SLC16A7: variants seen among roughly 807,000 people sequenced by gnomAD.
SLC16A7 encodes the protein monocarboxylate transporter 2.
A neutral mutation model predicts 34.9 loss-of-function variants in SLC16A7; 33 were observed. The ratio of observed to expected loss-of-function variants is 0.94; its 90% confidence interval spans 0.72 to 1.26. The LOEUF is 1.26. SLC16A7 is among the 50% of genes most tolerant of loss of function. The pLI is 0.00. For missense variants in SLC16A7, 573 were observed against 578.1 expected, an observed-to-expected ratio of 0.99 and a Z score of 0.09; for synonymous variants, 201 against 206.6, an observed-to-expected ratio of 0.97 and a Z score of 0.23.
In SLC16A7 at chr12:59,779,534, T is replaced by C. The variant is rs761571505; in HGVS notation, c.1292T>C (p.Leu431Ser). 1 of 1,613,052 alleles carries C rather than the reference T, an allele frequency of 6.2e-7. No homozygotes were observed. Among genetic ancestry groups the C allele is most frequent in the Admixed American group, 1.7e-5 (1 of 59,816 alleles). ...ATTGGCAATGCTATCAACTATAGAT[T>C]GCTTGCAAAGGAAAGGAAGGAGGAA... ...LLIGNAINYR[L>S]LAKERKEENA... Residue 431 changes from leucine (L) to serine (S), a missense_variant, in exon 6 of 6, where the codon TTG becomes TCG. Transcript: ENST00000547379.
intron 2 of SLC16A7, among the ~76,000 whole-genome samples, chr12:59,697,875 A>G (rs980289504): frequency 1.3e-4 from 20 of 151,814 alleles, no homozygotes; most frequent in African/African-American, 4.6e-4. Context: ...TTCTTTTTCC[A>G]ATTTCAAATA....
At chr12:59,614,828 A>AAAAACAAAAC in intron 1 of SLC16A7, among the ~76,000 whole-genome samples, 1 of 143,316 alleles carries the variant, frequency 7.0e-6, no homozygotes, top group Non-Finnish European at 1.5e-5. Flanking sequence ...TCCTACTAAA[A>AAAAACAAAAC]AAAAAAAAAA....
rs899983326 is a variant in SLC16A7 at position 59,787,006 on chromosome 12, C to A, written c.*7327C>A. 2 of 151,944 alleles carry A rather than the reference C, an allele frequency of 1.3e-5. No individual in the cohort carries two copies. The highest frequency in any genetic ancestry group is 4.8e-5 in the African/African-American group (2 of 41,340). The allele number at this position is 151,944 out of a possible 1,614,324, so 9.4% of individuals were successfully genotyped here. On this transcript the variant is annotated 3_prime_UTR_variant, in exon 6 of 6. Coordinates refer to ENST00000547379, the MANE Select transcript of SLC16A7 (RefSeq NM_001270623.2). ...GATTGCCACGGCAGATAATTCGTGG[C>A]AAATCAGAAATAATATTTAGTGAGA... is the stretch of plus-strand genomic sequence containing the variant.
chr12:59,765,513 G>C (rs554542764), intron 3 of SLC16A7, among the ~76,000 whole-genome samples: 9 of 152,262 alleles, frequency 5.9e-5, no homozygotes, highest in South Asian at 4.1e-4. Flanking sequence ...TTTTGTATAA[G>C]ATGTAAGGAA....
chr12:59,684,482 C>A (rs1479866733), intron 2 of SLC16A7, among the ~76,000 whole-genome samples: 1 of 152,172 alleles, frequency 6.6e-6, no homozygotes, highest in African/African-American at 2.4e-5. Flanking sequence ...CCCCACTCAG[C>A]TGCTGGTGGG....
chr12:59,728,528 T>C (rs1876559344), intron 3 of SLC16A7, among the ~76,000 whole-genome samples: 1 of 152,194 alleles, frequency 6.6e-6, no homozygotes. Flanking sequence ...CCTATCGTCA[T>C]CCAGGTGTGG....
At chr12:59,769,079 A>C (rs537783049) in intron 3 of SLC16A7, 1 of 152,142 alleles carries the variant, frequency 6.6e-6, no homozygotes, top group East Asian at 1.9e-4. Context: ...CATCAACATC[A>C]AAACAGGACC....
intron 2 of SLC16A7, among the ~76,000 whole-genome samples, chr12:59,678,538 A>T (rs1376351924): frequency 3.9e-5 from 6 of 152,134 alleles, no homozygotes; most frequent in Admixed American, 3.9e-4. Flanking sequence ...TGGAGTGAGT[A>T]ACTCTTCTAC....
rs184340313 is a variant in SLC16A7, at chr12:59,613,900, A to G, written c.-130+17664A>G. The stretch of plus-strand genomic sequence containing the variant: ...ATATGGTCTCTTTCATAAAAGCAGA[A>G]CTAGAGATACAAGATGATGAAGAAC... On this transcript the variant is annotated intron_variant, in intron 1 of 5. Coordinates refer to ENST00000547379, the MANE Select transcript of SLC16A7 (RefSeq NM_001270623.2). 4.0e-3 allele frequency among the ~76,000 whole-genome samples: 607 copies of G among 152,302 alleles called. 5 individuals carry two copies. The highest frequency in any genetic ancestry group is 6.6e-3 in the Non-Finnish European group (447 of 68,014).
chr12:59,647,357 A>C (rs2137013396), intron 1 of SLC16A7, among the ~76,000 whole-genome samples: 1 of 152,200 alleles, frequency 6.6e-6, no homozygotes, highest in Non-Finnish European at 1.5e-5. Context: ...TGGTTTTATA[A>C]GGGGCTTCCC....
At chr12:59,661,604 G>T (rs575658647) in intron 2 of SLC16A7, among the ~76,000 whole-genome samples, 21 of 152,186 alleles carry the variant, frequency 1.4e-4, no homozygotes, top group African/African-American at 4.6e-4. Flanking sequence ...AGCTAAGAAA[G>T]TAAGGGTCTT....
chr12:59,753,083 C>G (rs1250474874), intron 3 of SLC16A7, among the ~76,000 whole-genome samples: 1 of 152,102 alleles, frequency 6.6e-6, no homozygotes, highest in Non-Finnish European at 1.5e-5. Context: ...CAAGGCCTGC[C>G]CTAAAAGACC....
rs555674491 is a variant in SLC16A7, at chr12:59,720,337, A to T, written c.217+15319A>T. 4.4e-5 allele frequency: 21 copies of T among 474,932 alleles called. No homozygotes were observed. The East Asian group carries it at 7.4e-4, about 17-fold the overall frequency. 29.4% of individuals were successfully genotyped at this position (474,932 alleles called of 1,614,324 possible). On this transcript the variant is annotated intron_variant, in intron 3 of 5. Transcript: ENST00000547379. ...TTAGTCTTGTGAGACCATAATTAGT[A>T]CCCATAACAACAGAAATGTATATCT...
At chr12:59,709,377 A>G (rs1016268940) in intron 3 of SLC16A7, among the ~76,000 whole-genome samples, 1 of 151,654 alleles carries the variant, frequency 6.6e-6, no homozygotes, top group African/African-American at 2.4e-5. Context: ...GGGATTGAAC[A>G]TTAGAACACT....
At chr12:59,649,946 TC>T (rs1470657956) in intron 1 of SLC16A7, among the ~76,000 whole-genome samples, 3 of 151,292 alleles carry the variant, frequency 2.0e-5, no homozygotes, top group Non-Finnish European at 4.4e-5. Flanking sequence ...TGGAACTCCA[TC>T]CCCCCTCCCC....
chr12:59,684,073 G>A (rs942882033), intron 2 of SLC16A7, among the ~76,000 whole-genome samples: 1 of 152,192 alleles, frequency 6.6e-6, no homozygotes, highest in African/African-American at 2.4e-5. Flanking sequence ...AGATAGTAGA[G>A]TTTACAAGGA....
chr12:59,644,572 A>C (rs1447139891), intron 1 of SLC16A7, among the ~76,000 whole-genome samples: 2 of 152,150 alleles, frequency 1.3e-5, no homozygotes, highest in Non-Finnish European at 2.9e-5. Flanking sequence ...AAAACAAAAA[A>C]CAAAAATGAA....
At chr12:59,732,396 G>T in intron 3 of SLC16A7, among the ~76,000 whole-genome samples, 1 of 152,110 alleles carries the variant, frequency 6.6e-6, no homozygotes, top group East Asian at 1.9e-4. Context: ...CTCCAGCCTG[G>T]GCGACAAGAG....
intron 2 of SLC16A7, among the ~76,000 whole-genome samples, chr12:59,674,337 G>C (rs1281235832): frequency 6.6e-6 from 1 of 152,168 alleles, no homozygotes; most frequent in African/African-American, 2.4e-5. Flanking sequence ...CCTAGTGCTA[G>C]CACACTGGAC....
Sources: allele counts gnomAD v4.1 joint callset (sites outside exome capture counted in the v4.1 genomes callset), GRCh38; gene constraint gnomAD v4.1.1; transcripts MANE v1.5; gene names NCBI Gene and HGNC (gene_info 2026-07-23, HGNC 2026-07-21).